EPB41L3: variants seen among roughly 807,000 people sequenced by gnomAD.
EPB41L3 encodes erythrocyte membrane protein band 4.1 like 3, also known as band 4.1-like protein 3.
In EPB41L3, 57 loss-of-function variants were observed where a neutral mutation model predicts 127.1. The ratio of observed to expected loss-of-function variants is 0.45; its 90% CI spans 0.36 to 0.56. The LOEUF (loss-of-function observed/expected upper bound fraction) is 0.56. Ranked by LOEUF, EPB41L3 falls within the 20% of genes least tolerant of loss-of-function variation. The pLI is 0.00. For synonymous variants in EPB41L3, 572 were observed against 549.5 expected (o/e 1.04, Z -0.57); for missense variants, 1,273 against 1,372.2 (o/e 0.93, Z 1.14).
intron 3 of EPB41L3, among the ~76,000 whole-genome samples, chr18:5,474,777 C>A (rs1417654577): frequency 6.6e-6 from 1 of 152,106 alleles, no homozygotes; most frequent in Non-Finnish European, 1.5e-5. Context: ...TTTGTGTCTG[C>A]ATGTCTCTTC....
At chr18:5,420,269 C>T in intron 11 of EPB41L3, 1 of 280,518 alleles carries the variant, frequency 3.6e-6, no homozygotes, top group Non-Finnish European at 6.8e-6. Context: ...GCACTGGCAC[C>T]AGTCTCGTAG....
intron 3 of EPB41L3, among the ~76,000 whole-genome samples, chr18:5,553,840 A>C (rs748078033): frequency 8.5e-5 from 13 of 152,156 alleles, no homozygotes; most frequent in Non-Finnish European, 1.3e-4. Flanking sequence ...GTAAAACATA[A>C]GCCAGATCAC....
intron 9 of EPB41L3, among the ~76,000 whole-genome samples, chr18:5,427,048 G>A (rs2078284732): frequency 6.6e-6 from 1 of 151,928 alleles, no homozygotes; most frequent in South Asian, 2.1e-4. Flanking sequence ...CTGTCACCCA[G>A]GCTGGGGTAC....
Position 5,401,492 on chromosome 18 carries a change from G to T in EPB41L3, c.2350-3349C>A, listed in dbSNP as rs191685846. Reference sequence around the variant, plus strand: ...GTATCTTATTGTATTCCCCATTTAGGTGCTGCCTGTTACAGAGTAGTGAAA... The same window carrying T: ...GTATCTTATTGTATTCCCCATTTAGTTGCTGCCTGTTACAGAGTAGTGAAA... On this transcript the variant is annotated intron_variant, in intron 16 of 22. Coordinates refer to ENST00000341928, the MANE Select transcript of EPB41L3 (RefSeq NM_012307.5). 2.0e-5 allele frequency among the ~76,000 whole-genome samples: 3 copies of T among 152,036 alleles called. No homozygotes were observed. The East Asian group carries it at 5.8e-4, about 29-fold the overall frequency.
At chr18:5,420,198 T>C in intron 11 of EPB41L3, 1 of 409,868 alleles carries the variant, frequency 2.4e-6, no homozygotes, top group Admixed American at 4.0e-5. Context: ...TGTGTAAGTG[T>C]GGAGGTGAGT....
Position 5,522,824 on chromosome 18 carries a change from A to G in EPB41L3, c.-12+21089T>C, listed in dbSNP as rs560311024. On this transcript the variant is annotated intron_variant, in intron 1 of 22. Transcript: ENST00000341928. ...CAGACAAGTTTTTAATTGTACTACA[A>G]TGCAGCTTACTGCTAGGTAGAAAAG... is the stretch of plus-strand genomic sequence containing the variant. 6.8e-4 allele frequency among the ~76,000 whole-genome samples: 104 copies of G among 152,348 alleles called. 1 individual carries two copies. Among genetic ancestry groups the G allele is most frequent in the African/African-American group, 2.4e-3 (100 of 41,590 alleles).
chr18:5,564,935 T>C (rs1397365713), intron 3 of EPB41L3, among the ~76,000 whole-genome samples: 3 of 152,176 alleles, frequency 2.0e-5, no homozygotes, highest in Non-Finnish European at 4.4e-5. Flanking sequence ...TGGTAGCATC[T>C]GTAGGGCAAC....
intron 1 of EPB41L3, among the ~76,000 whole-genome samples, chr18:5,535,092 G>C (rs1294376210): frequency 6.6e-6 from 1 of 152,134 alleles, no homozygotes; most frequent in Non-Finnish European, 1.5e-5. Flanking sequence ...GAGAATGTGA[G>C]AATGTGAACC....
rs1051470537 is a variant in EPB41L3, at chr18:5,560,985, T to G, written c.-306+51355A>C. Among the ~76,000 whole-genome samples, 105 of 91,588 alleles carry G rather than the reference T, an allele frequency of 1.1e-3. 3 individuals are homozygous for G. Among genetic ancestry groups the G allele is most frequent in the African/African-American group, 3.7e-3 (103 of 28,180 alleles). The allele number at this position is 91,588 out of a possible 152,430, so 60.1% of individuals were successfully genotyped here. A position where few individuals can be genotyped will look rare whatever the true frequency, so the allele number is the denominator to read the frequency against. ...TTTATTTATTTATTTATTTATTTATTTATTTATTTTGAGATGGAGTCTCGC... is the reference window on the plus strand; with the variant it reads ...TTTATTTATTTATTTATTTATTTATGTATTTATTTTGAGATGGAGTCTCGC... On this transcript the variant is annotated intron_variant, in intron 3 of 21. Coordinates refer to the EPB41L3 transcript ENST00000545076.
At chr18:5,608,981 C>T (rs2094695020) in intron 3 of EPB41L3, among the ~76,000 whole-genome samples, 1 of 152,174 alleles carries the variant, frequency 6.6e-6, no homozygotes, top group Non-Finnish European at 1.5e-5. Flanking sequence ...ATTACTTACA[C>T]CAGAATAGAA....
chr18:5,406,573 C>A (rs1022777982), intron 16 of EPB41L3, among the ~76,000 whole-genome samples: 1 of 152,198 alleles, frequency 6.6e-6, no homozygotes, highest in African/African-American at 2.4e-5. Context: ...TAAGAACCAT[C>A]TGATGCTATT....
intron 8 of EPB41L3, among the ~76,000 whole-genome samples, chr18:5,430,357 C>T (rs1025208128): frequency 1.3e-5 from 2 of 152,104 alleles, no homozygotes; most frequent in Non-Finnish European, 2.9e-5. Flanking sequence ...TCACGGCCAG[C>T]GCACTGCCTA....
chr18:5,615,833 T>C (rs986889375), intron 1 of EPB41L3, among the ~76,000 whole-genome samples: 10 of 152,130 alleles, frequency 6.6e-5, no homozygotes, highest in African/African-American at 2.2e-4. Context: ...GGCTTCTTAG[T>C]ACTCCTTTTT....
At chr18:5,513,243 G>A (rs1280675108) in intron 1 of EPB41L3, among the ~76,000 whole-genome samples, 1 of 152,170 alleles carries the variant, frequency 6.6e-6, no homozygotes, top group African/African-American at 2.4e-5. Flanking sequence ...TTTGCTCTTT[G>A]AAGCCTCAGA....
At chr18:5,405,751 G>A (rs925872206) in intron 16 of EPB41L3, among the ~76,000 whole-genome samples, 8 of 151,144 alleles carry the variant, frequency 5.3e-5, no homozygotes, top group Non-Finnish European at 7.4e-5. Flanking sequence ...ACTTCAGCAT[G>A]GGCGACAGAG....
intron 3 of EPB41L3, 48 bp from the exon 4 acceptor site, chr18:5,445,292 T>C: frequency 7.1e-7 from 1 of 1,417,156 alleles, no homozygotes; most frequent in South Asian, 1.2e-5. Context: ...ACAAAGAAAG[T>C]TCTCCCAAAT....
intron 16 of EPB41L3, among the ~76,000 whole-genome samples, chr18:5,401,581 AT>A (rs1207054097): frequency 2.0e-5 from 3 of 152,154 alleles, no homozygotes; most frequent in African/African-American, 7.2e-5. Flanking sequence ...AGATGGATTG[AT>A]TTATTGCCCA....
At chr18:5,409,862 G>C in intron 14 of EPB41L3, among the ~76,000 whole-genome samples, 1 of 152,100 alleles carries the variant, frequency 6.6e-6, no homozygotes, top group African/African-American at 2.4e-5. Context: ...ACTACTTAAT[G>C]GTAGAGAAGA....
At chr18:5,578,168 T>C (rs1478201912) in intron 3 of EPB41L3, among the ~76,000 whole-genome samples, 1 of 152,180 alleles carries the variant, frequency 6.6e-6, no homozygotes, top group African/African-American at 2.4e-5. Context: ...TGGTTGTCTA[T>C]TATGCTGTAT....
Sources: gnomAD v4.1 joint callset for allele counts (sites outside exome capture counted in the v4.1 genomes callset) on GRCh38, gnomAD v4.1.1 for gene constraint, MANE v1.5 for transcripts, NCBI Gene and HGNC (gene_info 2026-07-23, HGNC 2026-07-21) for gene names.